The following MLLT3 variants were observed in gnomAD, a reference collection of about 807,000 sequenced individuals.
MLLT3 encodes MLLT3 super elongation complex subunit, also known as protein AF-9.
MLLT3 carries 4 observed loss-of-function variants against 53.2 expected under a neutral mutation model. The ratio of observed to expected loss-of-function variants is 0.08; its 90% confidence interval spans 0.04 to 0.17. The LOEUF is 0.17. Ranked by LOEUF, MLLT3 falls within the 10% of genes least tolerant of loss-of-function variation. MLLT3 has a pLI of 1.00. For missense variants in MLLT3, 569 were observed against 684.0 expected (o/e 0.83, Z 1.87); for synonymous variants, 283 against 230.6 (o/e 1.23, Z -2.06).
intron 5 of MLLT3, among the ~76,000 whole-genome samples, chr9:20,376,614 A>T (rs1393135890): frequency 6.6e-6 from 1 of 152,126 alleles, no homozygotes; most frequent in African/African-American, 2.4e-5. Flanking sequence ...TGTCATTAGG[A>T]AATAAAATGG....
intron 2 of MLLT3, among the ~76,000 whole-genome samples, chr9:20,544,130 T>C (rs1045773349): frequency 6.6e-6 from 1 of 152,150 alleles, no homozygotes; most frequent in African/African-American, 2.4e-5. Context: ...CAACAAATGG[T>C]GCTGAGAAAA....
At chr9:20,356,524 G>A (rs1229799781) in intron 8 of MLLT3, among the ~76,000 whole-genome samples, 1 of 151,992 alleles carries the variant, frequency 6.6e-6, no homozygotes, top group Non-Finnish European at 1.5e-5. Flanking sequence ...ATACTGGGCT[G>A]GGCATGCAGA....
intron 2 of MLLT3, among the ~76,000 whole-genome samples, chr9:20,611,699 C>G (rs967214745): frequency 1.3e-5 from 2 of 152,076 alleles, no homozygotes; most frequent in African/African-American, 4.8e-5. Flanking sequence ...TAATTGTTAA[C>G]TGCTACATAC....
intron 2 of MLLT3, among the ~76,000 whole-genome samples, chr9:20,598,293 C>CA (rs1327398583): frequency 6.6e-6 from 1 of 152,124 alleles, no homozygotes; most frequent in African/African-American, 2.4e-5. Flanking sequence ...TTTATGTTCC[C>CA]AAAAAACTCC....
At chr9:20,380,168 A>C (rs1821871366) in intron 5 of MLLT3, 1 of 151,884 alleles carries the variant, frequency 6.6e-6, no homozygotes, top group Admixed American at 6.6e-5. Flanking sequence ...ACTAATCACT[A>C]AACAGATTTT....
chr9:20,523,620 T>C (rs577145820), intron 2 of MLLT3, among the ~76,000 whole-genome samples: 2 of 152,252 alleles, frequency 1.3e-5, no homozygotes, highest in East Asian at 3.9e-4. Flanking sequence ...AAAGACTACA[T>C]CTGTATGATT....
At chr9:20,588,423 T>C (rs1228711615) in intron 2 of MLLT3, among the ~76,000 whole-genome samples, 1 of 152,002 alleles carries the variant, frequency 6.6e-6, no homozygotes, top group Non-Finnish European at 1.5e-5. Context: ...ATCTGTAAAT[T>C]ACCTTGGGCA....
intron 2 of MLLT3, among the ~76,000 whole-genome samples, chr9:20,548,761 G>A (rs1249563105): frequency 6.6e-6 from 1 of 152,034 alleles, no homozygotes; most frequent in Non-Finnish European, 1.5e-5. Flanking sequence ...AAGACTGATG[G>A]GCAATATTTG....
chr9:20,401,320 A>G (rs543774981), intron 5 of MLLT3, among the ~76,000 whole-genome samples: 1 of 152,344 alleles, frequency 6.6e-6, no homozygotes, highest in Admixed American at 6.5e-5. Context: ...GTTAATAAAA[A>G]TAGATGGAAT....
chr9:20,605,349 T>C (rs958605038), intron 2 of MLLT3, among the ~76,000 whole-genome samples: 3 of 152,056 alleles, frequency 2.0e-5, no homozygotes, highest in Non-Finnish European at 4.4e-5. Context: ...GGAAAACAGG[T>C]ATTTCAGACA....
chr9:20,530,020 AG>A (rs1234078678), intron 2 of MLLT3, among the ~76,000 whole-genome samples: 2 of 152,212 alleles, frequency 1.3e-5, no homozygotes, highest in Non-Finnish European at 2.9e-5. Flanking sequence ...GAAACTCAAA[AG>A]TCAGTTGATT....
intron 2 of MLLT3, among the ~76,000 whole-genome samples, chr9:20,488,419 A>G (rs6475444): frequency 0.25 from 38,408 of 152,030 alleles, 5,183 homozygotes; most frequent in East Asian, 0.5. Flanking sequence ...CAAACTGATA[A>G]TCTAAACTGA....
chr9:20,620,963 A>G lies in MLLT3; in HGVS notation c.13-129T>C. 2 of 1,107,430 alleles carry G rather than the reference A, an allele frequency of 1.8e-6. No homozygotes were observed. Among genetic ancestry groups the G allele is most frequent in the South Asian group, 1.3e-5 (1 of 76,540 alleles). The allele number at this position is 1,107,430 out of a possible 1,614,324, so 68.6% of individuals were successfully genotyped here. ...AAAAGGAAACGGCGGTGCCCTCTGC[A>G]TCCACGTTTCACGCGCGTGGGCGCG... On this transcript the variant is annotated intron_variant, in intron 1 of 10. Transcript: ENST00000380338. The surrounding 1 kb of genome is among the most constrained non-coding windows in gnomAD (Gnocchi z 6.1).
intron 2 of MLLT3, among the ~76,000 whole-genome samples, chr9:20,470,064 A>G (rs1824342759): frequency 6.6e-6 from 1 of 152,002 alleles, no homozygotes; most frequent in Non-Finnish European, 1.5e-5. Flanking sequence ...GAAGAAAAAA[A>G]CAGCAATTTG....
chr9:20,535,619 G>A (rs113836638), intron 2 of MLLT3, among the ~76,000 whole-genome samples: 1,684 of 152,158 alleles, frequency 0.011, 24 homozygotes, highest in Non-Finnish European at 0.015. Context: ...TATTCTATTC[G>A]CTCAGCAGGA....
chr9:20,513,456 T>G (rs142661305), intron 2 of MLLT3, among the ~76,000 whole-genome samples: 3 of 151,972 alleles, frequency 2.0e-5, no homozygotes, highest in Admixed American at 6.6e-5. Flanking sequence ...GGCAGGGAAA[T>G]GCACTCAACC....
chr9:20,447,393 G>C (rs1190565272), intron 4 of MLLT3, among the ~76,000 whole-genome samples: 1 of 152,174 alleles, frequency 6.6e-6, no homozygotes, highest in African/African-American at 2.4e-5. Flanking sequence ...CACATAATAT[G>C]ACACATAAGT....
At chr9:20,432,659 T>C (rs1178318275) in intron 4 of MLLT3, among the ~76,000 whole-genome samples, 1 of 152,112 alleles carries the variant, frequency 6.6e-6, no homozygotes, top group Non-Finnish European at 1.5e-5. Flanking sequence ...AAATCGCTTT[T>C]TTTTTCAGTC....
chr9:20,354,727 G>T lies in MLLT3; in HGVS notation c.1503+81C>A, dbSNP rs1821120194. ...GATGAAGAAAATGAAAGGAGAACCA[G>T]CAAGGATGATCAAGGGCAACACAAA... On this transcript the variant is annotated intron_variant, in intron 9 of 10. Transcript: ENST00000380338. 3 of 917,382 alleles carry T rather than the reference G, an allele frequency of 3.3e-6. No individual in the cohort carries two copies. In the Admixed American group the frequency reaches 5.4e-5, roughly 16 times the overall value. The allele number at this position is 917,382 out of a possible 1,614,324, so 56.8% of individuals were successfully genotyped here.
Sources: gnomAD v4.1 joint callset for allele counts (sites outside exome capture counted in the v4.1 genomes callset) on GRCh38, gnomAD v4.1.1 for gene constraint, Gnocchi (gnomAD v3.1) non-coding constraint, MANE v1.5 for transcripts, NCBI Gene and HGNC (gene_info 2026-07-23, HGNC 2026-07-21) for gene names.